Variants in C1GALT1 observed in about 807,000 individuals in gnomAD.
C1GALT1 encodes glycoprotein-N-acetylgalactosamine 3-beta-galactosyltransferase 1.
Under a neutral mutation model 31.0 loss-of-function variants are expected in C1GALT1, and 11 were observed. The ratio of observed to expected loss-of-function variants is 0.36; its 90% CI spans 0.22 to 0.59. The LOEUF is 0.59. Among genes scored for constraint, C1GALT1 ranks in the 20% least tolerant of loss-of-function variants. C1GALT1 has a pLI of 0.79. For synonymous variants in C1GALT1, 175 were observed against 143.6 expected (o/e 1.22, Z -1.56); for missense variants, 424 against 425.2 (o/e 1.00, Z 0.03).
At chr7:7,186,947 G>C (rs1305458191) in intron 1 of C1GALT1, among the ~76,000 whole-genome samples, 1 of 152,164 alleles carries the variant, frequency 6.6e-6, no homozygotes, top group Non-Finnish European at 1.5e-5. Flanking sequence ...GGAGGGTTTT[G>C]AGCAAATGAG....
intron 2 of C1GALT1, among the ~76,000 whole-genome samples, chr7:7,171,221 G>A (rs1583729926): frequency 6.6e-6 from 1 of 151,994 alleles, no homozygotes; most frequent in Non-Finnish European, 1.5e-5. Flanking sequence ...AACTATTATT[G>A]TACAACTATT....
At chr7:7,221,056 C>T (rs1782490893) in intron 1 of C1GALT1, among the ~76,000 whole-genome samples, 1 of 152,084 alleles carries the variant, frequency 6.6e-6, no homozygotes, top group Non-Finnish European at 1.5e-5. Context: ...CTTTATGGGT[C>T]TGTTTTTATT....
At chr7:7,223,854 G>A (rs1030154538) in intron 1 of C1GALT1, among the ~76,000 whole-genome samples, 2 of 152,078 alleles carry the variant, frequency 1.3e-5, no homozygotes, top group South Asian at 2.1e-4. Context: ...TGATCTTAAC[G>A]TGAAAACATT....
chr7:7,228,778 A>C (rs1782924640), intron 1 of C1GALT1, among the ~76,000 whole-genome samples: 1 of 152,252 alleles, frequency 6.6e-6, no homozygotes, highest in Admixed American at 6.5e-5. Flanking sequence ...ATCACAAAAC[A>C]TTTTAAAGTT....
At chr7:7,196,682 A>G (rs955436082) in intron 1 of C1GALT1, among the ~76,000 whole-genome samples, 2 of 152,252 alleles carry the variant, frequency 1.3e-5, no homozygotes, top group East Asian at 1.9e-4. Flanking sequence ...TCCCACCAAC[A>G]GTGTAAAAGC....
rs1783480647 is a variant in C1GALT1, at chr7:7,238,668, G to T, written c.634G>T (p.Gly212Ter). ...VKQGYMSGGA[G>*]YVLSKEALKR... is the part of the protein sequence containing the mutation. ...GCAGGGCTACATGAGTGGAGGAGCAGGATATGTACTAAGCAAAGAAGCCTT... is the reference window on the plus strand; with the variant it reads ...GCAGGGCTACATGAGTGGAGGAGCATGATATGTACTAAGCAAAGAAGCCTT... Residue 212 changes from glycine to a stop codon, truncating the protein, a stop_gained, in exon 3 of 4, where the codon GGA becomes TGA. Transcript: ENST00000436587. LOFTEE classifies it high-confidence loss of function. This position sits in a 1 kb window ranked among gnomAD's most constrained non-coding sequence, Gnocchi z 5.2. The T allele has an allele frequency of 6.2e-7, 1 of 1,613,948 alleles. No homozygotes were observed. Among genetic ancestry groups the T allele is most frequent in the Admixed American group, 1.7e-5 (1 of 59,994 alleles).
chr7:7,228,539 C>T (rs1036833627), intron 1 of C1GALT1, among the ~76,000 whole-genome samples: 1 of 151,916 alleles, frequency 6.6e-6, no homozygotes, highest in Non-Finnish European at 1.5e-5. Context: ...ATGATTTTTG[C>T]CAAAAATCTG....
chr7:7,174,739 C>T (rs1456450313), intron 2 of C1GALT1, among the ~76,000 whole-genome samples: 1 of 151,924 alleles, frequency 6.6e-6, no homozygotes, highest in Non-Finnish European at 1.5e-5. Context: ...TTGCTGAAGC[C>T]ACTTAGATTT....
At chr7:7,220,805 C>A (rs545279276) in intron 1 of C1GALT1, among the ~76,000 whole-genome samples, 78 of 152,292 alleles carry the variant, frequency 5.1e-4, no homozygotes, top group African/African-American at 1.8e-3. Flanking sequence ...CAGGTGCGCC[C>A]AGCCCAAAAG....
chr7:7,216,014 T>G (rs1782223009), intron 1 of C1GALT1, among the ~76,000 whole-genome samples: 2 of 152,058 alleles, frequency 1.3e-5, no homozygotes, highest in South Asian at 4.1e-4. Flanking sequence ...CTATTTTCCC[T>G]GGGCCTGCCC....
rs1170916077 is a variant in C1GALT1, at chr7:7,246,977, A to G, written c.*3250A>G. 6.6e-6 allele frequency: 1 copy of G among 152,182 alleles called. No homozygotes were observed. The highest frequency in any genetic ancestry group is 2.4e-5 in the African/African-American group (1 of 41,446). 9.4% of individuals were successfully genotyped at this position (152,182 alleles called of 1,614,324 possible). On this transcript the variant is annotated 3_prime_UTR_variant, in exon 4 of 4. Coordinates refer to ENST00000436587, the MANE Select transcript of C1GALT1 (RefSeq NM_020156.5). ...CATCAGGGCCTACAATAAAATCTGTAATTCTCCAAGTTTAGTAATTTTATA... is the reference window on the plus strand; with the variant it reads ...CATCAGGGCCTACAATAAAATCTGTGATTCTCCAAGTTTAGTAATTTTATA...
chr7:7,225,041 A>C (rs77708842), intron 1 of C1GALT1, among the ~76,000 whole-genome samples: 1 of 43,466 alleles, frequency 2.3e-5, no homozygotes, highest in African/African-American at 3.9e-4. Context: ...GTTTAGTTAC[A>C]AGTGAGAACT....
intron 1 of C1GALT1, among the ~76,000 whole-genome samples, chr7:7,230,621 CCTTTTT>C (rs1349257942): frequency 5.1e-4 from 57 of 110,806 alleles, no homozygotes; most frequent in African/African-American, 1.5e-3. Context: ...TTCTATATTC[CCTTTTT>C]TTTTTTTTTT....
chr7:7,233,849 C>T (rs929718626), intron 1 of C1GALT1, among the ~76,000 whole-genome samples: 6 of 152,060 alleles, frequency 3.9e-5, no homozygotes. Flanking sequence ...CAACAGAAAC[C>T]ACATGAGACC....
intron 1 of C1GALT1, among the ~76,000 whole-genome samples, chr7:7,208,890 C>T (rs1157203726): frequency 6.6e-6 from 1 of 152,200 alleles, no homozygotes; most frequent in African/African-American, 2.4e-5. Context: ...CTGAAATCAG[C>T]CACAGTTTAC....
At chr7:7,192,476 A>G (rs181851648) in intron 1 of C1GALT1, among the ~76,000 whole-genome samples, 48 of 152,034 alleles carry the variant, frequency 3.2e-4, no homozygotes, top group African/African-American at 1.0e-3. Context: ...TTATTTCATT[A>G]TTTTTTATGG....
At position 7,241,838 on chromosome 7, in the gene C1GALT1, T is replaced by C. The variant is rs574765176; in HGVS notation, c.889-1686T>C. On this transcript the variant is annotated intron_variant, in intron 3 of 3. Coordinates refer to ENST00000436587, the MANE Select transcript of C1GALT1 (RefSeq NM_020156.5). ...TCTAATAATTATAGCTTTTTACTTT[T>C]ATTGTCTTTTATTGCATAAATGCTT... Among the ~76,000 whole-genome samples, 4 of 152,128 alleles carry C rather than the reference T, an allele frequency of 2.6e-5. No individual in the cohort carries two copies. In the South Asian group the frequency reaches 8.3e-4, roughly 31 times the overall value.
chr7:7,211,577 A>G (rs1013598051), intron 1 of C1GALT1, among the ~76,000 whole-genome samples: 2 of 152,352 alleles, frequency 1.3e-5, no homozygotes, highest in Admixed American at 1.3e-4. Flanking sequence ...TATTGCAAAC[A>G]GTAGAGTGAG....
rs966044702 is a variant in C1GALT1, at chr7:7,244,653, T to C, written c.*926T>C. The C allele has an allele frequency of 1.7e-4, 26 of 152,202 alleles. No individual in the cohort carries two copies. The highest frequency in any genetic ancestry group is 5.3e-4 in the African/African-American group (22 of 41,462). 9.4% of individuals were successfully genotyped at this position (152,202 alleles called of 1,614,324 possible). ...CATTTTAAATTGATATTTTAAACTC[T>C]TTCCAACTACATAGTTATGGTTTAT... On this transcript the variant is annotated 3_prime_UTR_variant, in exon 4 of 4. Transcript: ENST00000436587.
Sources: gnomAD v4.1 joint callset for allele counts (sites outside exome capture counted in the v4.1 genomes callset) on GRCh38, gnomAD v4.1.1 for gene constraint, Gnocchi (gnomAD v3.1) non-coding constraint, MANE v1.5 for transcripts, NCBI Gene and HGNC (gene_info 2026-07-23, HGNC 2026-07-21) for gene names.